SNX13: variants seen among roughly 807,000 people sequenced by gnomAD.
SNX13 encodes the protein sorting nexin-13.
SNX13 carries 45 observed loss-of-function variants against 133.6 expected under a neutral mutation model. The observed-to-expected ratio is 0.34, with a 90% CI of 0.27 to 0.43. The LOEUF (loss-of-function observed/expected upper bound fraction) is 0.43. Among genes scored for constraint, SNX13 ranks in the 20% least tolerant of loss-of-function variants. SNX13 has a pLI of 1.00. For synonymous variants in SNX13, 414 were observed against 373.9 expected, an observed-to-expected ratio of 1.11 and a Z score of -1.24; for missense variants, 1,032 against 1,145.1, an observed-to-expected ratio of 0.90 and a Z score of 1.43.
chr7:17,928,183 C>T (rs1410324177), intron 1 of SNX13, among the ~76,000 whole-genome samples: 1 of 152,110 alleles, frequency 6.6e-6, no homozygotes, highest in Non-Finnish European at 1.5e-5. Context: ...TCTAAAACAA[C>T]AATAGGAGCT....
chr7:17,821,581 G>A lies in SNX13; in HGVS notation c.1773C>T (p.Asn591=), dbSNP rs371036612. 1 of 1,613,586 alleles carries A rather than the reference G, an allele frequency of 6.2e-7. No homozygotes were observed. The highest frequency in any genetic ancestry group is 8.5e-7 in the Non-Finnish European group (1 of 1,179,724). The change falls in exon 18 of 26, where the codon AAC becomes AAT. Residue 591 remains asparagine (N), a synonymous_variant. Transcript: ENST00000428135. The part of the protein sequence containing the change: ...YAITVHRRNL[N]SEEMWKTYRR... The stretch of plus-strand genomic sequence containing the variant: ...GATAGGTTTTCCACATCTCCTCACT[G>A]TTTAGGTTGCGCCGGTGTACAGTGA...
In SNX13 at chr7:17,891,549, C is replaced by T. The variant is rs991530654; in HGVS notation, c.315G>A (p.Gln105=). ...AATACCACACGCTGAAACTCACTTG[C>T]TGGAGAGGTTCATCAATTATATTGG... ...TGANIIDEPL[Q]QVIQFSLRDY... The change falls in exon 4 of 26, where the codon CAG becomes CAA. Residue 105 remains glutamine, a synonymous_variant. Transcript: ENST00000428135. 3.7e-6 allele frequency: 6 copies of T among 1,609,810 alleles called. No individual in the cohort carries two copies. The Admixed American group carries it at 8.3e-5, about 22-fold the overall frequency.
chr7:17,871,278 C>T (rs575588094), intron 8 of SNX13, among the ~76,000 whole-genome samples: 126 of 152,074 alleles, frequency 8.3e-4, no homozygotes, highest in Non-Finnish European at 1.5e-3. Context: ...GTGCTGGGAT[C>T]ACAGGCGTGA....
intron 5 of SNX13, 88 bp downstream of exon 5, chr7:17,890,275 A>G: frequency 7.8e-7 from 1 of 1,276,770 alleles, no homozygotes; most frequent in Non-Finnish European, 1.1e-6. Flanking sequence ...CTTTTAATAA[A>G]CAATTCCTCC....
At chr7:17,882,347 AT>A (rs1253910496) in intron 5 of SNX13, 1 of 152,172 alleles carries the variant, frequency 6.6e-6, no homozygotes, top group Non-Finnish European at 1.5e-5. Flanking sequence ...AACACTACAG[AT>A]TTATTGTTTT....
At chr7:17,819,703 T>C (rs1787066341) in intron 18 of SNX13, among the ~76,000 whole-genome samples, 1 of 152,044 alleles carries the variant, frequency 6.6e-6, no homozygotes. Context: ...GGGATTTGAG[T>C]TTTTAAAATA....
chr7:17,880,743 G>A (rs1030177499), intron 5 of SNX13: 6 of 152,164 alleles, frequency 3.9e-5, no homozygotes, highest in African/African-American at 1.4e-4. Context: ...CACAGAATAG[G>A]AACCATTTCA....
chr7:17,932,824 T>G (rs1029557645), intron 1 of SNX13, among the ~76,000 whole-genome samples: 1 of 152,222 alleles, frequency 6.6e-6, no homozygotes. Context: ...TTTAATTATA[T>G]TCTCCAATCT....
At chr7:17,862,494 C>A (rs928287745) in intron 9 of SNX13, among the ~76,000 whole-genome samples, 1 of 151,958 alleles carries the variant, frequency 6.6e-6, no homozygotes, top group African/African-American at 2.4e-5. Context: ...CAGTGTATAT[C>A]CTATGAGAAT....
intron 16 of SNX13, among the ~76,000 whole-genome samples, chr7:17,829,620 A>G (rs1259290094): frequency 6.6e-6 from 1 of 151,388 alleles, no homozygotes; most frequent in African/African-American, 2.4e-5. Context: ...TTCTAAATAC[A>G]AGAGGAGAAA....
intron 1 of SNX13, among the ~76,000 whole-genome samples, chr7:17,921,885 A>G (rs1293343927): frequency 6.6e-6 from 1 of 152,250 alleles, no homozygotes; most frequent in African/African-American, 2.4e-5. Context: ...TCTATCAGGA[A>G]TGCTGAATAA....
intron 20 of SNX13, among the ~76,000 whole-genome samples, chr7:17,809,282 C>CA (rs535077123): frequency 0.048 from 2,390 of 49,396 alleles, 94 homozygotes; most frequent in African/African-American, 0.071. Flanking sequence ...AGATGGAAAG[C>CA]AAAAAAAAAA....
chr7:17,931,599 G>A (rs928443583), intron 1 of SNX13, among the ~76,000 whole-genome samples: 3 of 152,142 alleles, frequency 2.0e-5, no homozygotes, highest in Non-Finnish European at 2.9e-5. Flanking sequence ...ACCAATTCAG[G>A]TTTAAATGGA....
chr7:17,793,346 A>G lies in SNX13; in HGVS notation c.*699T>C, dbSNP rs1361558372. ...GAAACATAAAATTGAGTACCCTAAG[A>G]GCAAAACACAGCCCTTAAAGCACAC... is the stretch of plus-strand genomic sequence containing the variant. On this transcript the variant is annotated 3_prime_UTR_variant, in exon 26 of 26. Coordinates refer to ENST00000428135, the MANE Select transcript of SNX13 (RefSeq NM_015132.5). 1.3e-5 allele frequency: 2 copies of G among 152,212 alleles called. No homozygotes were observed. The highest frequency in any genetic ancestry group is 2.9e-5 in the Non-Finnish European group (2 of 67,864). 9.4% of individuals were successfully genotyped at this position (152,212 alleles called of 1,614,324 possible).
At chr7:17,859,662 G>C (rs1185593793) in intron 9 of SNX13, among the ~76,000 whole-genome samples, 2 of 152,010 alleles carry the variant, frequency 1.3e-5, no homozygotes, top group Admixed American at 6.5e-5. Flanking sequence ...TAGATCCACT[G>C]AACAACAAAT....
chr7:17,875,706 A>G lies in SNX13; in HGVS notation c.525T>C (p.Ala175=), dbSNP rs1794652584. Residue 175 remains alanine, a synonymous_variant, in exon 6 of 26, where the codon GCT becomes GCC. Coordinates refer to ENST00000428135, the MANE Select transcript of SNX13 (RefSeq NM_015132.5). ...FGTHLRVFRK[A]QQKITEKDDQ... is the part of the protein sequence containing the mutation. ...CATCTTTCTCTGTTATTTTCTGTTG[A>G]GCCTTTCTGAATACTCGTAAGTGTG... 3.1e-6 allele frequency: 5 copies of G among 1,611,780 alleles called. No homozygotes were observed. Among genetic ancestry groups the G allele is most frequent in the Non-Finnish European group, 4.2e-6 (5 of 1,178,694 alleles).
rs1409874543 is a variant in SNX13 at position 17,893,418 on chromosome 7, G to C, written c.142C>G (p.Leu48Val). The change falls in exon 3 of 26, where the codon CTC becomes GTC. Residue 48 changes from leucine (L) to valine (V), a missense_variant. Leu to Val is a conservative substitution (Grantham distance 32, BLOSUM62 1). Coordinates refer to ENST00000428135, the MANE Select transcript of SNX13 (RefSeq NM_015132.5). The stretch of plus-strand genomic sequence containing the variant: ...TCTGAGTTTGTTTTTCCAAACAGGA[G>C]AGTAACCACTAAACCCCTAGAAAGA... Reference protein sequence around the residue: ...CFVGGGLVVTLLFGKTNSEKY... With the variant: ...CFVGGGLVVTVLFGKTNSEKY... 6.4e-7 allele frequency: 1 copy of C among 1,559,698 alleles called. No homozygotes were observed.
intron 1 of SNX13, among the ~76,000 whole-genome samples, chr7:17,907,080 G>A (rs1345904725): frequency 6.6e-6 from 1 of 151,844 alleles, no homozygotes; most frequent in African/African-American, 2.4e-5. Flanking sequence ...AAATATGCAG[G>A]ACAAAATAAT....
intron 8 of SNX13, among the ~76,000 whole-genome samples, chr7:17,871,057 G>C (rs919398011): frequency 1.7e-4 from 26 of 151,516 alleles, no homozygotes; most frequent in Non-Finnish European, 3.2e-4. Flanking sequence ...CCAGGCTGGA[G>C]TGCAGTGGCG....
Sources: gnomAD v4.1 joint callset for allele counts (sites outside exome capture counted in the v4.1 genomes callset) on GRCh38, gnomAD v4.1.1 for gene constraint, MANE v1.5 for transcripts, NCBI Gene and HGNC (gene_info 2026-07-23, HGNC 2026-07-21) for gene names.